Variants in CHD6 observed in about 807,000 individuals in gnomAD.
CHD6 encodes chromodomain helicase DNA binding protein 6.
CHD6 carries 50 observed loss-of-function variants against 276.9 expected under a neutral mutation model. The ratio of observed to expected loss-of-function variants is 0.18; its 90% CI spans 0.14 to 0.23. The LOEUF is 0.23. Among genes scored for constraint, CHD6 ranks in the 10% least tolerant of loss-of-function variants. The pLI, the probability that CHD6 is intolerant of heterozygous loss-of-function variation, is 1.00. For synonymous variants in CHD6, 1,173 were observed against 1,229.3 expected, an observed-to-expected ratio of 0.95 and a Z score of 0.96; for missense variants, 2,564 against 3,365.8, an observed-to-expected ratio of 0.76 and a Z score of 5.89.
intron 17 of CHD6, among the ~76,000 whole-genome samples, chr20:41,463,508 T>A (rs2042849605): frequency 6.6e-6 from 1 of 152,198 alleles, no homozygotes; most frequent in African/African-American, 2.4e-5. Context: ...ATGGACACCA[T>A]GTTATTCCTG....
chr20:41,561,088 GTCTCA>G (rs1422035281), intron 1 of CHD6, among the ~76,000 whole-genome samples: 1 of 152,176 alleles, frequency 6.6e-6, no homozygotes, highest in African/African-American at 2.4e-5. Context: ...AGGCCATATG[GTCTCA>G]GTTGCAACTA....
chr20:41,506,479 T>C (rs529723509), intron 5 of CHD6, among the ~76,000 whole-genome samples: 7 of 152,132 alleles, frequency 4.6e-5, no homozygotes, highest in Non-Finnish European at 1.0e-4. Flanking sequence ...CTCCTTTACC[T>C]CCTTCAATTA....
At chr20:41,476,714 T>C (rs573550733) in intron 16 of CHD6, among the ~76,000 whole-genome samples, 4 of 151,490 alleles carry the variant, frequency 2.6e-5, no homozygotes, top group African/African-American at 4.8e-5. Context: ...ACTGAGACAA[T>C]AGTGTATATG....
At chr20:41,552,043 G>C (rs923568732) in intron 1 of CHD6, among the ~76,000 whole-genome samples, 1 of 152,102 alleles carries the variant, frequency 6.6e-6, no homozygotes, top group Non-Finnish European at 1.5e-5. Context: ...CCCAGTAATT[G>C]TCTTTAGAGG....
In CHD6 at chr20:41,420,854, C is replaced by G; in HGVS notation, c.5781G>C (p.Gln1927His). 1 of 1,614,206 alleles carries G rather than the reference C, an allele frequency of 6.2e-7. No individual in the cohort carries two copies. Among genetic ancestry groups the G allele is most frequent in the Non-Finnish European group, 8.5e-7 (1 of 1,180,048 alleles). Residue 1927 changes from glutamine (Q) to histidine (H), a missense_variant, in exon 31 of 37, where the codon CAG becomes CAC. Transcript: ENST00000373233. ...AGGCTGCTGGAGCGGGGAAAGCCCT[C>G]TGTAGCCCAGGAGTCTGGTTTGCCA... ...LEVANQTPGL[Q>H]RAFPAPAACQ...
rs187380077 is a variant in CHD6 at position 41,530,395 on chromosome 20, G to A, written c.554+2655C>T. ...GGCCAGAAGCCCGTAAATCAGTTGCGGAGCTAATCCAAGCATTAAGTGAGT... is the reference window on the plus strand; with the variant it reads ...GGCCAGAAGCCCGTAAATCAGTTGCAGAGCTAATCCAAGCATTAAGTGAGT... On this transcript the variant is annotated intron_variant, in intron 3 of 36. Coordinates refer to ENST00000373233, the MANE Select transcript of CHD6 (RefSeq NM_032221.5). Among the ~76,000 whole-genome samples the A allele has an allele frequency of 1.5e-3, 233 of 152,222 alleles. 1 individual carries two copies. In the Middle Eastern group the frequency reaches 0.02, roughly 13 times the overall value.
Position 41,493,909 on chromosome 20 carries a change from T to C in CHD6, c.1128A>G (p.Glu376=). ...DEDLFNPDYV[E]VDRILEVAHT... is the part of the protein sequence containing the mutation. ...GGGCCACCTCCAAGATGCGATCAAC[T>C]TCTACATAGTCTGGATTGAACAAGT... is the stretch of plus-strand genomic sequence containing the variant. Residue 376 remains glutamate (E), a synonymous_variant, in exon 9 of 37, where the codon GAA becomes GAG. Transcript: ENST00000373233. 1.9e-6 allele frequency: 3 copies of C among 1,613,958 alleles called. No individual in the cohort carries two copies. The highest frequency in any genetic ancestry group is 2.5e-6 in the Non-Finnish European group (3 of 1,179,900).
chr20:41,580,854 T>A (rs532895337), intron 1 of CHD6, among the ~76,000 whole-genome samples: 10 of 152,268 alleles, frequency 6.6e-5, no homozygotes, highest in Admixed American at 5.9e-4. Context: ...GGGAAATTTA[T>A]TTCTCTATTG....
intron 35 of CHD6, 142 bp from the exon 36 acceptor site, chr20:41,412,405 T>C: frequency 4.5e-6 from 4 of 897,524 alleles, no homozygotes; most frequent in South Asian, 1.6e-5. Flanking sequence ...CTAAAGGAAA[T>C]AGCCACCTGG....
chr20:41,555,347 C>T (rs1428571530), intron 1 of CHD6, among the ~76,000 whole-genome samples: 18 of 102,714 alleles, frequency 1.8e-4, no homozygotes, highest in South Asian at 9.9e-4. Flanking sequence ...ACGGGGCGGC[C>T]GGCCGGGCGG....
Position 41,420,699 on chromosome 20 carries a change from C to T in CHD6, c.5936G>A (p.Gly1979Asp), listed in dbSNP as rs138755869. Residue 1979 changes from glycine to aspartate, a missense_variant, in exon 31 of 37, where the codon GGT becomes GAT. Gly to Asp is a moderately conservative substitution (Grantham distance 94, BLOSUM62 -1). Around this residue, in one of 7 missense-constraint regions of CHD6, gnomAD observed 1,024 missense variants for 1,047.9 expected, o/e 0.98. Coordinates refer to ENST00000373233, the MANE Select transcript of CHD6 (RefSeq NM_032221.5). The stretch of plus-strand genomic sequence containing the variant: ...CTGTGATGGAATAGCAGTGGGTTCA[C>T]CCTCCATGGCGATAGTATTGGTTTT... ...KSKTNTIAME[G>D]EPTAIPSQPF... 13 of 1,614,192 alleles carry T rather than the reference C, an allele frequency of 8.1e-6. 1 individual carries two copies. The highest frequency in any genetic ancestry group is 7.7e-5 in the South Asian group (7 of 91,082).
intron 27 of CHD6, among the ~76,000 whole-genome samples, chr20:41,426,619 G>A (rs2047373750): frequency 6.6e-6 from 1 of 152,194 alleles, no homozygotes. Flanking sequence ...CACAGCAACA[G>A]ACACTATTTT....
chr20:41,532,961 G>GTTA, intron 3 of CHD6, 89 bp downstream of exon 3: 1 of 1,423,144 alleles, frequency 7.0e-7, no homozygotes, highest in African/African-American at 1.4e-5. Flanking sequence ...GTGCAGCAGG[G>GTTA]TTATGCCTAG....
intron 27 of CHD6, among the ~76,000 whole-genome samples, chr20:41,429,456 C>T (rs755600707): frequency 4.6e-5 from 7 of 152,200 alleles, no homozygotes; most frequent in Non-Finnish European, 8.8e-5. Context: ...CAAATTCTAA[C>T]ATTCTATGAC....
intron 10 of CHD6, 73 bp downstream of exon 10, chr20:41,493,464 TG>T: frequency 6.9e-7 from 1 of 1,455,076 alleles, no homozygotes; most frequent in Non-Finnish European, 9.5e-7. Flanking sequence ...ACAAGCCAGG[TG>T]GACTTCCATG....
At chr20:41,575,928 C>T (rs2045469785) in intron 1 of CHD6, among the ~76,000 whole-genome samples, 1 of 151,956 alleles carries the variant, frequency 6.6e-6, no homozygotes, top group African/African-American at 2.4e-5. Context: ...TGACTCATTC[C>T]CTAAAACTAC....
chr20:41,465,800 G>A (rs545889154), intron 17 of CHD6, among the ~76,000 whole-genome samples: 16 of 152,268 alleles, frequency 1.1e-4, no homozygotes, highest in South Asian at 2.1e-4. Context: ...TAATAATGAA[G>A]TAAAATGCTT....
At chr20:41,463,927 G>A (rs2042858759) in intron 17 of CHD6, among the ~76,000 whole-genome samples, 1 of 152,178 alleles carries the variant, frequency 6.6e-6, no homozygotes, top group Non-Finnish European at 1.5e-5. Context: ...TAGGGGACAA[G>A]GGGGTACAAT....
chr20:41,484,670 T>G (rs2043370237), intron 14 of CHD6, 63 bp from the exon 15 acceptor site: 6 of 1,533,554 alleles, frequency 3.9e-6, no homozygotes, highest in Middle Eastern at 1.7e-4. Flanking sequence ...ACTGGGGTAT[T>G]CCAACCTTCA....
Sources: gnomAD v4.1 joint callset for allele counts (sites outside exome capture counted in the v4.1 genomes callset) on GRCh38, gnomAD v4.1.1 for gene constraint, gnomAD v4.1.1 regional missense constraint, MANE v1.5 for transcripts, NCBI Gene and HGNC (gene_info 2026-07-23, HGNC 2026-07-21) for gene names.